PCSK7: variants seen among roughly 807,000 people sequenced by gnomAD.
PCSK7 encodes lymphoma proprotein convertase.
A neutral mutation model predicts 73.3 loss-of-function variants in PCSK7; 38 were observed. The observed-to-expected ratio is 0.52, with a 90% CI of 0.40 to 0.68. The LOEUF is 0.68. Ranked by LOEUF, PCSK7 falls within the 30% of genes least tolerant of loss-of-function variation. PCSK7 has a pLI of 0.00. For synonymous variants in PCSK7, 296 were observed against 383.8 expected (o/e 0.77, Z 2.68); for missense variants, 692 against 991.5 (o/e 0.70, Z 4.06).
chr11:117,222,956 A>G, intron 9 of PCSK7: 1 of 463,976 alleles, frequency 2.2e-6, no homozygotes, highest in Non-Finnish European at 3.9e-6. Context: ...CCCATGTGAC[A>G]CTTAGTTTCT....
At chr11:117,224,800 G>A (rs776135411) in intron 6 of PCSK7, 45 bp from the exon 7 acceptor site, 27 of 1,477,356 alleles carry the variant, frequency 1.8e-5, no homozygotes, top group Non-Finnish European at 2.5e-5. Flanking sequence ...GAGCCAGGCT[G>A]CGGCTACCCA....
At chr11:117,219,244 C>G (rs1283256840) in intron 10 of PCSK7, 80 bp from the exon 11 acceptor site, 5 of 1,039,156 alleles carry the variant, frequency 4.8e-6, no homozygotes, top group Non-Finnish European at 7.1e-6. Flanking sequence ...CCCTGCTTGC[C>G]CTGCTGGCTG....
At chr11:117,226,170 C>T (rs1423684818) in intron 5 of PCSK7, 149 bp from the exon 6 acceptor site, 127 of 615,236 alleles carry the variant, frequency 2.1e-4, no homozygotes, top group Admixed American at 4.2e-4. Context: ...TAAAGTCTTA[C>T]TTGTCACCCA....
intron 9 of PCSK7, chr11:117,220,035 C>T: frequency 3.8e-6 from 1 of 261,970 alleles, no homozygotes; most frequent in Non-Finnish European, 7.1e-6. Flanking sequence ...ACAGGTCTCA[C>T]AGGTGGACCC....
At chr11:117,220,492 C>T (rs542077541) in intron 9 of PCSK7, 1 of 152,702 alleles carries the variant, frequency 6.5e-6, no homozygotes, top group African/African-American at 2.4e-5. Flanking sequence ...ATCTTCCTGC[C>T]TTGGCCTCCC....
At chr11:117,230,058 A>C (rs976233588) in intron 2 of PCSK7, 2 of 514,734 alleles carry the variant, frequency 3.9e-6, no homozygotes, top group African/African-American at 3.9e-5. Flanking sequence ...AGTGTGGGCC[A>C]GCACTAACAC....
At chr11:117,211,915 A>C (rs575652408) in intron 12 of PCSK7, 1 of 152,248 alleles carries the variant, frequency 6.6e-6, no homozygotes, top group Non-Finnish European at 1.5e-5. Context: ...GACGAGGATT[A>C]AACAGTTAAT....
Position 117,219,040 on chromosome 11 carries a change from T to C in PCSK7, c.1431+17A>G. 6.3e-7 allele frequency: 1 copy of C among 1,582,314 alleles called. No individual in the cohort carries two copies. Among genetic ancestry groups the C allele is most frequent in the South Asian group, 1.1e-5 (1 of 90,010 alleles). On this transcript the variant is annotated intron_variant, in intron 11 of 16. Transcript: ENST00000320934. ...TCACTCCACACAGGGCACCCTGCCC[T>C]GCCAACACCTGTTCACCTTGGCTGC...
chr11:117,216,791 T>C (rs1215641744), intron 12 of PCSK7: 1 of 151,188 alleles, frequency 6.6e-6, no homozygotes, highest in African/African-American at 2.5e-5. Flanking sequence ...AACTTATTTG[T>C]TCTGTTTTTG....
chr11:117,228,190 A>C (rs750278064), intron 4 of PCSK7, 26 bp downstream of exon 4: 35 of 1,609,616 alleles, frequency 2.2e-5, no homozygotes, highest in Non-Finnish European at 3.0e-5. Flanking sequence ...GTGGGGAGTG[A>C]GGGGTGTCGT....
intron 9 of PCSK7, 163 bp downstream of exon 9, chr11:117,223,045 A>C (rs1470285016): frequency 4.9e-6 from 3 of 616,778 alleles, no homozygotes; most frequent in Non-Finnish European, 8.7e-6. Context: ...CCCCGAGTCT[A>C]CTACTCCAAG....
At chr11:117,225,907 C>G (rs750628713) in intron 6 of PCSK7, 24 bp downstream of exon 6, 2 of 1,470,724 alleles carry the variant, frequency 1.4e-6, no homozygotes, top group South Asian at 2.3e-5. Context: ...GGCTCTTGCC[C>G]TCTCATCTGC....
chr11:117,230,595 CG>C (rs1231238253), intron 1 of PCSK7, 127 bp from the exon 2 acceptor site: 2 of 152,216 alleles, frequency 1.3e-5, no homozygotes, highest in African/African-American at 4.8e-5. Flanking sequence ...GATCTAAAAT[CG>C]GTCATAGACT....
intron 6 of PCSK7, 137 bp from the exon 7 acceptor site, chr11:117,224,892 G>A (rs1477894033): frequency 6.2e-5 from 44 of 706,092 alleles, no homozygotes; most frequent in South Asian, 5.8e-4. Flanking sequence ...AAAGGCTTCC[G>A]TGATTAAAAG....
intron 6 of PCSK7, chr11:117,225,680 G>A (rs763912661): frequency 1.7e-5 from 9 of 538,366 alleles, no homozygotes; most frequent in Admixed American, 9.2e-5. Flanking sequence ...GGCCTTAGGA[G>A]TTTAGAAAAC....
chr11:117,224,972 T>A, intron 6 of PCSK7: 1 of 565,998 alleles, frequency 1.8e-6, no homozygotes, highest in South Asian at 2.2e-5. Flanking sequence ...CTTCTTTTCC[T>A]TGTGAATGTC....
Position 117,219,177 on chromosome 11 carries a change from A to G in PCSK7, c.1324-13T>C. Reference sequence around the variant, plus strand: ...GGCGATCCTCATACTGAAAGGACAGAGGTCCTGGTTAGTCTCTTGCATTGC... The same window carrying G: ...GGCGATCCTCATACTGAAAGGACAGGGGTCCTGGTTAGTCTCTTGCATTGC... On this transcript the variant is annotated splice_polypyrimidine_tract_variant and intron_variant, in intron 10 of 16. Coordinates refer to ENST00000320934, the MANE Select transcript of PCSK7 (RefSeq NM_004716.4). The G allele has an allele frequency of 6.3e-7, 1 of 1,584,668 alleles. No individual in the cohort carries two copies.
At chr11:117,224,640 T>C in intron 7 of PCSK7, 61 bp downstream of exon 7, 2 of 1,334,668 alleles carry the variant, frequency 1.5e-6, no homozygotes, top group Non-Finnish European at 2.2e-6. Context: ...TTGCAGCAGT[T>C]CTCCCGGGAC....
chr11:117,223,874 C>T (rs1436497417), intron 8 of PCSK7: 8 of 579,448 alleles, frequency 1.4e-5, no homozygotes, highest in Non-Finnish European at 2.2e-5. Context: ...CGGTGATCTC[C>T]AGATGATGGC....
Sources: allele counts gnomAD v4.1 joint callset, GRCh38; gene constraint gnomAD v4.1.1; transcripts MANE v1.5; gene names NCBI Gene and HGNC (gene_info 2026-07-23, HGNC 2026-07-21).